WWP2: variants seen among roughly 807,000 people sequenced by gnomAD.
WWP2 encodes NEDD4-like E3 ubiquitin-protein ligase WWP2.
A neutral mutation model predicts 121.0 loss-of-function variants in WWP2; 57 were observed. The ratio of observed to expected loss-of-function variants is 0.47; its 90% CI spans 0.38 to 0.59. The LOEUF (loss-of-function observed/expected upper bound fraction) is 0.59, where lower values mean the gene tolerates loss of function less well. Ranked by LOEUF, WWP2 falls within the 20% of genes least tolerant of loss-of-function variation. The pLI, the probability that WWP2 is intolerant of heterozygous loss-of-function variation, is 0.00. For missense variants in WWP2, 962 were observed against 1,158.9 expected (o/e 0.83, Z 2.47); for synonymous variants, 449 against 441.3 (o/e 1.02, Z -0.22).
At chr16:69,814,869 A>G (rs12598642) in intron 4 of WWP2, among the ~76,000 whole-genome samples, 48,056 of 152,104 alleles carry the variant, frequency 0.32, 9,325 homozygotes, top group Non-Finnish European at 0.43. Context: ...TTCAGCTGGA[A>G]GATAAATAAA....
chr16:69,913,807 C>T (rs560861232), intron 9 of WWP2, among the ~76,000 whole-genome samples: 6 of 151,894 alleles, frequency 4.0e-5, no homozygotes, highest in Non-Finnish European at 7.4e-5. Flanking sequence ...TGGTGGCTCA[C>T]GCATGTAATC....
intron 10 of WWP2, among the ~76,000 whole-genome samples, chr16:69,920,791 TAAATAAATA>T (rs2058549757): frequency 6.6e-6 from 1 of 152,028 alleles, no homozygotes; most frequent in African/African-American, 2.4e-5. Context: ...TCTCAATAAA[TAAATAAATA>T]AAATAAAATG....
intron 6 of WWP2, among the ~76,000 whole-genome samples, chr16:69,848,081 G>A (rs1243487481): frequency 6.6e-6 from 1 of 152,142 alleles, no homozygotes; most frequent in Admixed American, 6.5e-5. Flanking sequence ...TGAGAAGAAT[G>A]CATTTAATTT....
chr16:69,917,761 A>C lies in WWP2; in HGVS notation c.1057A>C (p.Thr353Pro). 1 of 1,613,734 alleles carries C rather than the reference A, an allele frequency of 6.2e-7. No individual in the cohort carries two copies. The change falls in exon 10 of 24, where the codon ACT becomes CCT. Residue 353 changes from threonine to proline, a missense_variant. This residue lies in a region of WWP2 where 606 missense variants were observed against 772.6 expected (regional missense o/e 0.78). Transcript: ENST00000359154. ...RGRFYYVDHN[T>P]RTTTWQRPTA... is the part of the protein sequence containing the mutation. ...CAGGTTTTACTATGTGGATCACAAT[A>C]CTCGGACCACCACCTGGCAGCGTCC...
chr16:69,782,824 T>A (rs2055692425), intron 1 of WWP2, among the ~76,000 whole-genome samples: 1 of 152,144 alleles, frequency 6.6e-6, no homozygotes, highest in South Asian at 2.1e-4. Context: ...ATAGCTACAT[T>A]TATTTAAATT....
chr16:69,885,509 G>C (rs2057908477), intron 7 of WWP2, among the ~76,000 whole-genome samples: 1 of 152,194 alleles, frequency 6.6e-6, no homozygotes, highest in Admixed American at 6.5e-5. Context: ...TTAAGATCTA[G>C]CTTGGTATCC....
intron 2 of WWP2, among the ~76,000 whole-genome samples, chr16:69,789,925 G>A (rs750573809): frequency 7.9e-5 from 12 of 152,178 alleles, no homozygotes; most frequent in African/African-American, 1.2e-4. Context: ...GCCTGCTGTT[G>A]ACTGAAAGCC....
At chr16:69,817,168 T>C (rs775587838) in intron 4 of WWP2, among the ~76,000 whole-genome samples, 3 of 152,236 alleles carry the variant, frequency 2.0e-5, no homozygotes, top group Non-Finnish European at 4.4e-5. Flanking sequence ...TACATATTTC[T>C]TTGTAACTTG....
chr16:69,875,447 G>A (rs973005419), intron 7 of WWP2, among the ~76,000 whole-genome samples: 2 of 152,218 alleles, frequency 1.3e-5, no homozygotes, highest in African/African-American at 2.4e-5. Context: ...CACAGCATCA[G>A]TTGACTCTCC....
intron 7 of WWP2, among the ~76,000 whole-genome samples, chr16:69,877,729 G>GGAGAGA (rs145236505): frequency 6.6e-6 from 1 of 150,586 alleles, no homozygotes; most frequent in African/African-American, 2.4e-5. Context: ...TAGGGTATAA[G>GGAGAGA]GAGAGAGAGA....
chr16:69,889,486 C>A (rs2057987495), intron 8 of WWP2, among the ~76,000 whole-genome samples: 1 of 152,172 alleles, frequency 6.6e-6, no homozygotes, highest in Non-Finnish European at 1.5e-5. Context: ...ACCATGTGAC[C>A]TTGGCCGAAT....
In WWP2 at chr16:69,888,169, G is replaced by C. The variant is rs577142803; in HGVS notation, c.834G>C (p.Pro278=). 18 of 1,614,056 alleles carry C rather than the reference G, an allele frequency of 1.1e-5. 1 individual carries two copies. In the South Asian group the frequency reaches 1.9e-4, roughly 17 times the overall value. The part of the protein sequence containing the change: ...NTTSLPAPAT[P]AEGEEPSTSG... ...CTTCTCTCCCTGCCCCAGCCACACCGGCTGAAGGAGAGGAACCCAGCACTT... is the reference window on the plus strand; with the variant it reads ...CTTCTCTCCCTGCCCCAGCCACACCCGCTGAAGGAGAGGAACCCAGCACTT... The change falls in exon 8 of 24, where the codon CCG becomes CCC. Residue 278 remains proline, a synonymous_variant. Coordinates refer to ENST00000359154, the MANE Select transcript of WWP2 (RefSeq NM_001270454.2).
chr16:69,871,075 C>T lies in WWP2; in HGVS notation c.576-729C>T, dbSNP rs140275189. On this transcript the variant is annotated intron_variant, in intron 6 of 23. Transcript: ENST00000359154. ...CTGAGGTGGGAGGATCGTTTGAGCT[C>T]AGGAGTTTGAGACCAGCCTTGGCAA... is the stretch of plus-strand genomic sequence containing the variant. Among the ~76,000 whole-genome samples the T allele has an allele frequency of 2.2e-3, 332 of 152,154 alleles. 2 individuals carry two copies. Among genetic ancestry groups the T allele is most frequent in the South Asian group, 5.4e-3 (26 of 4,822 alleles).
chr16:69,828,755 C>T (rs1258054174), intron 4 of WWP2, among the ~76,000 whole-genome samples: 2 of 152,216 alleles, frequency 1.3e-5, no homozygotes, highest in Non-Finnish European at 2.9e-5. Flanking sequence ...CCCGTCTTGG[C>T]AAGGTCATCA....
At chr16:69,798,480 A>AT (rs200856879) in intron 2 of WWP2, among the ~76,000 whole-genome samples, 13,945 of 138,634 alleles carry the variant, frequency 0.1, 1,030 homozygotes, top group African/African-American at 0.22. Flanking sequence ...CAGGTTAGGG[A>AT]TTTTTTTTTT....
intron 4 of WWP2, among the ~76,000 whole-genome samples, chr16:69,815,520 C>T (rs2056472149): frequency 6.7e-6 from 1 of 150,036 alleles, no homozygotes; most frequent in Non-Finnish European, 1.5e-5. Context: ...AGGGGCTGGG[C>T]ACGGTGCCTG....
chr16:69,862,498 A>G (rs1332152899), intron 6 of WWP2, among the ~76,000 whole-genome samples: 3 of 150,710 alleles, frequency 2.0e-5, no homozygotes, highest in Non-Finnish European at 1.5e-5. Flanking sequence ...CAATCCAACC[A>G]CCTCGGCCTT....
At chr16:69,933,889 G>A (rs1027910728) in intron 16 of WWP2, 81 bp from the exon 17 acceptor site, 9 of 1,508,600 alleles carry the variant, frequency 6.0e-6, no homozygotes, top group South Asian at 2.4e-5. Context: ...CCTGAGACAC[G>A]ATGGTGAAGA....
chr16:69,790,631 A>G (rs1161621648), intron 2 of WWP2, among the ~76,000 whole-genome samples: 1 of 152,038 alleles, frequency 6.6e-6, no homozygotes, highest in Non-Finnish European at 1.5e-5. Context: ...GCGGGGGTGC[A>G]GTGGTGTGAT....
Sources: gnomAD v4.1 joint callset for allele counts (sites outside exome capture counted in the v4.1 genomes callset) on GRCh38, gnomAD v4.1.1 for gene constraint, gnomAD v4.1.1 regional missense constraint, MANE v1.5 for transcripts, NCBI Gene and HGNC (gene_info 2026-07-23, HGNC 2026-07-21) for gene names.